TLCD3B: variants seen among roughly 807,000 people sequenced by gnomAD.
The protein encoded by TLCD3B is ceramide synthase.
Under a neutral mutation model 23.0 loss-of-function variants are expected in TLCD3B, and 9 were observed. That is an observed-to-expected ratio of 0.39 (90% confidence interval 0.24 to 0.68). TLCD3B has a LOEUF of 0.68. Ranked by LOEUF, TLCD3B falls within the 30% of genes least tolerant of loss-of-function variation. The pLI, the probability that TLCD3B is intolerant of heterozygous loss-of-function variation, is 0.44. For missense variants in TLCD3B, 307 were observed against 371.8 expected, an observed-to-expected ratio of 0.83 and a Z score of 1.43; for synonymous variants, 161 against 161.0, an observed-to-expected ratio of 1.00 and a Z score of 0.00.
chr16:30,049,523 A>T (rs1028984577), intron 1 of TLCD3B, among the ~76,000 whole-genome samples: 1 of 152,176 alleles, frequency 6.6e-6, no homozygotes, highest in Non-Finnish European at 1.5e-5. Context: ...CATATGATAC[A>T]TCTGACATCT....
chr16:30,039,111 T>TAA (rs2071532624), intron 3 of TLCD3B, among the ~76,000 whole-genome samples: 4 of 136,338 alleles, frequency 2.9e-5, no homozygotes, highest in East Asian at 2.1e-4. Context: ...CTCTTTTTTT[T>TAA]TTTTTTTTTT....
chr16:30,037,320 A>G (rs1187050363), intron 3 of TLCD3B, among the ~76,000 whole-genome samples: 1 of 151,628 alleles, frequency 6.6e-6, no homozygotes, highest in African/African-American at 2.4e-5. Context: ...AGGCGGGCAG[A>G]TCACGGGGTC....
At chr16:30,028,391 A>G (rs374316748) in intron 2 of TLCD3B, among the ~76,000 whole-genome samples, 3 of 152,142 alleles carry the variant, frequency 2.0e-5, no homozygotes, top group African/African-American at 7.2e-5. Flanking sequence ...CCTGGGGAGC[A>G]GGGGGTACAG....
intron 2 of TLCD3B, among the ~76,000 whole-genome samples, chr16:30,042,368 C>CTGG (rs2071592217): frequency 6.6e-6 from 1 of 151,884 alleles, no homozygotes; most frequent in Non-Finnish European, 1.5e-5. Flanking sequence ...TCTCCCAAGG[C>CTGG]GCCCACCACC....
chr16:30,036,183 G>A, upstream of TLCD3B: 1 of 1,288,864 alleles, frequency 7.8e-7, no homozygotes, highest in Non-Finnish European at 1.0e-6. Context: ...AAGACAGAAA[G>A]GGAGGTTGAT....
chr16:30,051,931 G>T (rs1487865606), intron 1 of TLCD3B, among the ~76,000 whole-genome samples: 1 of 152,160 alleles, frequency 6.6e-6, no homozygotes, highest in Non-Finnish European at 1.5e-5. Flanking sequence ...CTACACACTG[G>T]TTCAGGAAGC....
chr16:30,042,889 G>T (rs1391374140), intron 2 of TLCD3B, among the ~76,000 whole-genome samples: 5 of 152,032 alleles, frequency 3.3e-5, no homozygotes, highest in Non-Finnish European at 5.9e-5. Context: ...ATGAGGTCAG[G>T]AGTTTGAGAC....
In TLCD3B at chr16:30,024,917, C is replaced by A; in HGVS notation, c.*266G>T. 2.4e-6 allele frequency: 1 copy of A among 414,542 alleles called. No individual in the cohort carries two copies. Among genetic ancestry groups the A allele is most frequent in the Non-Finnish European group, 4.2e-6 (1 of 235,854 alleles). The allele number at this position is 414,542 out of a possible 1,614,324, so 25.7% of individuals were successfully genotyped here. The stretch of plus-strand genomic sequence containing the variant: ...CCTGTTGGTGTCCCTCCCCACAAGC[C>A]CTCCTGCCCTCAGTGGGTGGGAGGC... On this transcript the variant is annotated 3_prime_UTR_variant, in exon 5 of 5. Transcript: ENST00000380495.
Position 30,025,200 on chromosome 16 carries a change from A to AGGCCGGGGGC in TLCD3B, c.798_807dup (p.Cys270AlafsTer31), listed in dbSNP as rs1280064504. The AGGCCGGGGGC allele has an allele frequency of 9.8e-5, 145 of 1,477,884 alleles. No homozygotes were observed. The highest frequency in any genetic ancestry group is 1.3e-4 in the Non-Finnish European group (143 of 1,119,450). The allele number at this position is 1,477,884 out of a possible 1,614,324, so 91.5% of individuals were successfully genotyped here. ...CCCCGGCCTCAGTCCTGGGCCTGGC[A>AGGCCGGGGGC]GGCCGGGGGCGGCCGGGAGCGGGGC... On this transcript the variant is annotated frameshift_variant, in exon 5 of 5. Transcript: ENST00000380495. LOFTEE classifies it high-confidence loss of function. The surrounding 1 kb of genome is among the most constrained non-coding windows in gnomAD (Gnocchi z 4.1).
chr16:30,028,774 A>G (rs1288931498), intron 2 of TLCD3B, among the ~76,000 whole-genome samples: 1 of 152,034 alleles, frequency 6.6e-6, no homozygotes, highest in Admixed American at 6.5e-5. Context: ...GGGCACCTCT[A>G]AGGCAACTTG....
chr16:30,050,345 C>A (rs1036266331), intron 1 of TLCD3B, among the ~76,000 whole-genome samples: 1 of 152,092 alleles, frequency 6.6e-6, no homozygotes, highest in African/African-American at 2.4e-5. Flanking sequence ...TCAAAAACAG[C>A]CTGAGCAATA....
intron 2 of TLCD3B, chr16:30,027,121 C>A (rs976650493): frequency 3.6e-6 from 2 of 551,972 alleles, no homozygotes; most frequent in South Asian, 1.5e-5. Context: ...CCAGAAGATG[C>A]CCACAGACCA....
chr16:30,025,708 C>T lies in TLCD3B; in HGVS notation c.540+18G>A, dbSNP rs781705161. 9 of 1,613,154 alleles carry T rather than the reference C, an allele frequency of 5.6e-6. No individual in the cohort carries two copies. The East Asian group carries it at 1.8e-4, about 32-fold the overall frequency. On this transcript the variant is annotated intron_variant, in intron 4 of 4. Transcript: ENST00000380495. The surrounding 1 kb of genome is among the most constrained non-coding windows in gnomAD (Gnocchi z 4.1). ...TGACCTCCCCATTGGGCTCCTGCAC[C>T]CTCCCATGCTCACTCACCTGGATGA... is the stretch of plus-strand genomic sequence containing the variant.
chr16:30,052,489 G>C (rs2071778084), intron 1 of TLCD3B, among the ~76,000 whole-genome samples: 1 of 151,864 alleles, frequency 6.6e-6, no homozygotes, highest in South Asian at 2.1e-4. Flanking sequence ...TTGAGGTCAG[G>C]AGTTCGAGAC....
In TLCD3B at chr16:30,029,217, C is replaced by T. The variant is rs768558531; in HGVS notation, c.209+215G>A. Among the ~76,000 whole-genome samples, 7 of 152,134 alleles carry T rather than the reference C, an allele frequency of 4.6e-5. No homozygotes were observed. Among genetic ancestry groups the T allele is most frequent in the Admixed American group, 1.3e-4 (2 of 15,276 alleles). On this transcript the variant is annotated intron_variant, in intron 2 of 4. Coordinates refer to ENST00000380495, the MANE Select transcript of TLCD3B (RefSeq NM_031478.6). The surrounding 1 kb of genome is among the most constrained non-coding windows in gnomAD (Gnocchi z 4.6). ...CGCTTTGAGGATCCTCTCTGATCCCCGCTCCTTCTCCCCCTGGTTCTGACC... is the reference window on the plus strand; with the variant it reads ...CGCTTTGAGGATCCTCTCTGATCCCTGCTCCTTCTCCCCCTGGTTCTGACC...
chr16:30,027,752 T>G, intron 2 of TLCD3B: 1 of 439,422 alleles, frequency 2.3e-6, no homozygotes. Flanking sequence ...GCAGTTTCTC[T>G]TAAATCCTGT....
At chr16:30,050,086 C>T (rs75381307) in intron 1 of TLCD3B, among the ~76,000 whole-genome samples, 1,805 of 152,264 alleles carry the variant, frequency 0.012, 28 homozygotes, top group African/African-American at 0.041. Context: ...CCAGCACCAG[C>T]GAGTCTGGGC....
chr16:30,052,087 C>G (rs1458458747), intron 1 of TLCD3B, among the ~76,000 whole-genome samples: 1 of 152,128 alleles, frequency 6.6e-6, no homozygotes, highest in Non-Finnish European at 1.5e-5. Context: ...GAAAAAAAGG[C>G]TGGGCACAGT....
At chr16:30,040,662 T>G (rs2071567386) in intron 3 of TLCD3B, among the ~76,000 whole-genome samples, 1 of 151,910 alleles carries the variant, frequency 6.6e-6, no homozygotes, top group East Asian at 1.9e-4. Flanking sequence ...CTTTTTCTTT[T>G]TTTTTAAATT....
Sources: allele counts gnomAD v4.1 joint callset (sites outside exome capture counted in the v4.1 genomes callset), GRCh38; gene constraint gnomAD v4.1.1; non-coding constraint Gnocchi (gnomAD v3.1); transcripts MANE v1.5; gene names NCBI Gene and HGNC (gene_info 2026-07-23, HGNC 2026-07-21).